The following CCDC192 variants were observed in gnomAD, a reference collection of about 807,000 sequenced individuals.
CCDC192 encodes the protein coiled-coil domain-containing protein 192.
At chr5:127,930,700 G>A (rs537251537) in intron 6 of CCDC192, among the ~76,000 whole-genome samples, 1 of 152,292 alleles carries the variant, frequency 6.6e-6, no homozygotes, top group Admixed American at 6.5e-5. Context: ...GGGTGGGAAG[G>A]AACTCTGCCC....
At chr5:127,787,597 A>G (rs1437267105) in intron 3 of CCDC192, among the ~76,000 whole-genome samples, 1 of 152,190 alleles carries the variant, frequency 6.6e-6, no homozygotes, top group Non-Finnish European at 1.5e-5. Flanking sequence ...AAGATACTTT[A>G]AATGATTTTA....
intron 3 of CCDC192, among the ~76,000 whole-genome samples, chr5:127,790,307 T>C (rs1470878634): frequency 6.6e-6 from 1 of 152,204 alleles, no homozygotes; most frequent in Non-Finnish European, 1.5e-5. Context: ...TTTTGGGGCT[T>C]GGAGGCCATT....
intron 2 of CCDC192, among the ~76,000 whole-genome samples, chr5:127,716,285 A>AT (rs1010202883): frequency 2.0e-5 from 3 of 151,968 alleles, no homozygotes; most frequent in African/African-American, 7.2e-5. Flanking sequence ...ATTGGATTGG[A>AT]TTTGCTAGCA....
chr5:127,739,234 G>T (rs1478178166), intron 2 of CCDC192, among the ~76,000 whole-genome samples: 1 of 152,186 alleles, frequency 6.6e-6, no homozygotes, highest in Non-Finnish European at 1.5e-5. Flanking sequence ...CTCCCAGTTA[G>T]GCTGCCCGGG....
chr5:127,912,407 T>C (rs903395623), intron 6 of CCDC192, among the ~76,000 whole-genome samples: 3 of 59,794 alleles, frequency 5.0e-5, no homozygotes, highest in Non-Finnish European at 6.9e-5. Context: ...GAGAATAGAT[T>C]CCTGGGTTTA....
At chr5:127,904,087 G>C (rs1233173627) in intron 6 of CCDC192, among the ~76,000 whole-genome samples, 1 of 152,168 alleles carries the variant, frequency 6.6e-6, no homozygotes, top group Admixed American at 6.5e-5. Context: ...TCCTGCCTGT[G>C]ATCAGAGAGA....
chr5:127,862,220 T>C (rs1751400006), intron 5 of CCDC192, among the ~76,000 whole-genome samples: 2 of 152,058 alleles, frequency 1.3e-5, no homozygotes, highest in African/African-American at 4.8e-5. Context: ...CAAATCTCTT[T>C]CTCTCTCAAG....
chr5:127,786,791 C>T, intron 3 of CCDC192: 2 of 614,608 alleles, frequency 3.3e-6, no homozygotes, highest in South Asian at 3.3e-5. Flanking sequence ...TGTATAATTC[C>T]AGGCCAATGT....
intron 5 of CCDC192, among the ~76,000 whole-genome samples, chr5:127,813,217 C>A (rs1432721193): frequency 6.6e-6 from 1 of 152,144 alleles, no homozygotes; most frequent in Non-Finnish European, 1.5e-5. Context: ...TAAACTGTCC[C>A]TATTTCATTA....
At chr5:127,926,100 C>T (rs577484987) in intron 6 of CCDC192, among the ~76,000 whole-genome samples, 34 of 152,238 alleles carry the variant, frequency 2.2e-4, no homozygotes, top group East Asian at 5.8e-4. Flanking sequence ...GTTACAGCTC[C>T]GCCTTTGCCT....
At chr5:127,803,581 A>T (rs754789674) in intron 5 of CCDC192, among the ~76,000 whole-genome samples, 14 of 152,170 alleles carry the variant, frequency 9.2e-5, no homozygotes, top group Non-Finnish European at 1.8e-4. Flanking sequence ...TGGAATCCAT[A>T]TGTTGCCTGT....
chr5:127,761,995 A>T (rs1033753267), intron 3 of CCDC192, among the ~76,000 whole-genome samples: 3 of 152,160 alleles, frequency 2.0e-5, no homozygotes, highest in Non-Finnish European at 4.4e-5. Flanking sequence ...TTTGATACTG[A>T]ATTTGTGTAT....
At chr5:127,805,344 G>A (rs1201812492) in intron 5 of CCDC192, among the ~76,000 whole-genome samples, 1 of 152,170 alleles carries the variant, frequency 6.6e-6, no homozygotes, top group African/African-American at 2.4e-5. Flanking sequence ...ACAGCAAATA[G>A]CTGGTATGTA....
intron 6 of CCDC192, among the ~76,000 whole-genome samples, chr5:127,920,236 C>T (rs887931656): frequency 6.6e-6 from 1 of 152,024 alleles, no homozygotes; most frequent in Non-Finnish European, 1.5e-5. Flanking sequence ...TGTGCTCACA[C>T]ACAAATACAT....
At position 127,715,051 on chromosome 5, in the gene CCDC192, A is replaced by G. The variant is rs138204705; in HGVS notation, c.114+7291A>G. Among the ~76,000 whole-genome samples the G allele has an allele frequency of 5.3e-5, 8 of 152,142 alleles. No individual in the cohort carries two copies. In the East Asian group the frequency reaches 1.2e-3, roughly 22 times the overall value. On this transcript the variant is annotated intron_variant, in intron 2 of 6. Transcript: ENST00000514853. ...GCCTTGTCAGATGCATACTTTGTGA[A>G]TATTTTCTCCCATTCTGTAGGTTGT...
intron 2 of CCDC192, among the ~76,000 whole-genome samples, chr5:127,738,931 T>C (rs1180912235): frequency 6.6e-6 from 1 of 151,866 alleles, no homozygotes; most frequent in East Asian, 1.9e-4. Flanking sequence ...CCTCAGCTCG[T>C]CAAAGTCATT....
In CCDC192 at chr5:127,891,394, C is replaced by T. The variant is rs1410709569; in HGVS notation, c.535+15733C>T. Among the ~76,000 whole-genome samples, 8 of 152,158 alleles carry T rather than the reference C, an allele frequency of 5.3e-5. 1 individual carries two copies. The highest frequency in any genetic ancestry group is 5.2e-4 in the Admixed American group (8 of 15,276). ...TATGACTCATTGAGAGTACACAAGC[C>T]ATCCGTGAGGGATTCTTATCTTTCA... On this transcript the variant is annotated intron_variant, in intron 6 of 6. Transcript: ENST00000514853.
At chr5:127,883,859 T>A (rs1023246912) in intron 6 of CCDC192, among the ~76,000 whole-genome samples, 63 of 152,096 alleles carry the variant, frequency 4.1e-4, no homozygotes, top group African/African-American at 1.5e-3. Context: ...ATGAAACTAG[T>A]TGAAGCAGGA....
intron 3 of CCDC192, chr5:127,785,064 A>G (rs2126941485): frequency 2.0e-6 from 1 of 504,448 alleles, no homozygotes; most frequent in East Asian, 5.5e-5. Context: ...GAGTGCAATC[A>G]GTCAGCTGCT....
Sources: gnomAD v4.1 joint callset for allele counts (sites outside exome capture counted in the v4.1 genomes callset) on GRCh38, gnomAD v4.1.1 for gene constraint, MANE v1.5 for transcripts, NCBI Gene and HGNC (gene_info 2026-07-23, HGNC 2026-07-21) for gene names.